The following WARS2 variants were observed in gnomAD, a reference collection of about 807,000 sequenced individuals.
WARS2 encodes tryptophan--tRNA ligase, mitochondrial.
A neutral mutation model predicts 36.5 loss-of-function variants in WARS2; 28 were observed. The ratio of observed to expected loss-of-function variants is 0.77; its 90% CI spans 0.57 to 1.05. The LOEUF (loss-of-function observed/expected upper bound fraction) is 1.05, where lower values mean the gene tolerates loss of function less well. WARS2 is among the 50% of genes least tolerant of loss of function. The pLI, the probability that WARS2 is intolerant of heterozygous loss-of-function variation, is 0.00. For missense variants in WARS2, 435 were observed against 456.8 expected (o/e 0.95, Z 0.44); for synonymous variants, 174 against 178.4 (o/e 0.98, Z 0.20).
chr1:119,096,051 T>C (rs1653417317), intron 1 of WARS2, among the ~76,000 whole-genome samples: 1 of 152,234 alleles, frequency 6.6e-6, no homozygotes, highest in African/African-American at 2.4e-5. Flanking sequence ...TGTGTATGTT[T>C]ATAAAATAAC....
At chr1:119,067,949 T>C (rs901584023) in intron 2 of WARS2, among the ~76,000 whole-genome samples, 3 of 152,124 alleles carry the variant, frequency 2.0e-5, no homozygotes, top group Admixed American at 6.6e-5. Context: ...CACAGGAGCA[T>C]AGATCCAGGC....
At chr1:119,045,744 T>A in intron 2 of WARS2, 82 bp from the exon 3 acceptor site, 1 of 1,134,034 alleles carries the variant, frequency 8.8e-7, no homozygotes, top group Non-Finnish European at 1.3e-6. Context: ...AGTATTACCC[T>A]AAATGTCTGA....
intron 1 of WARS2, among the ~76,000 whole-genome samples, chr1:119,079,886 A>G (rs1652056624): frequency 6.6e-6 from 1 of 152,188 alleles, no homozygotes; most frequent in Non-Finnish European, 1.5e-5. Flanking sequence ...AATCACAAAC[A>G]CACACATAAA....
intron 2 of WARS2, chr1:119,047,274 T>C (rs1310240985): frequency 1.2e-5 from 1 of 81,546 alleles, no homozygotes; most frequent in Non-Finnish European, 2.4e-5. Flanking sequence ...CATGAAGAAG[T>C]AGGAGAGAAT....
intron 1 of WARS2, among the ~76,000 whole-genome samples, chr1:119,130,237 A>G: frequency 6.6e-6 from 1 of 152,234 alleles, no homozygotes; most frequent in East Asian, 1.9e-4. Context: ...AGCAAAAACC[A>G]CATCAGTTGT....
intron 1 of WARS2, chr1:119,082,534 T>A (rs913634393): frequency 9.4e-5 from 76 of 810,982 alleles, no homozygotes; most frequent in Non-Finnish European, 1.1e-4. Context: ...GGCAGGTGAG[T>A]CAGATCTGGA....
intron 1 of WARS2, among the ~76,000 whole-genome samples, chr1:119,105,782 G>A (rs1211778664): frequency 5.9e-5 from 9 of 152,064 alleles, no homozygotes; most frequent in African/African-American, 1.9e-4. Flanking sequence ...GTGGTAATGC[G>A]CGCTTGTAAT....
intron 1 of WARS2, among the ~76,000 whole-genome samples, chr1:119,115,739 C>T (rs1451727397): frequency 1.3e-5 from 2 of 152,166 alleles, no homozygotes; most frequent in East Asian, 1.9e-4. Context: ...TGGTTCAAAT[C>T]GATCTTCTGG....
chr1:119,140,288 G>A (rs1656856537), intron 1 of WARS2: 1 of 351,306 alleles, frequency 2.8e-6, no homozygotes, highest in Non-Finnish European at 5.2e-6. Context: ...GGCAACAGCG[G>A]CGGCGCTCCG....
chr1:119,084,937 G>C (rs1652509717), intron 1 of WARS2: 1 of 382,538 alleles, frequency 2.6e-6, no homozygotes, highest in East Asian at 5.7e-5. Context: ...CAATCCAACT[G>C]AATTTGACTG....
intron 2 of WARS2, among the ~76,000 whole-genome samples, chr1:119,046,481 G>A (rs1275701033): frequency 1.3e-5 from 2 of 150,392 alleles, no homozygotes; most frequent in African/African-American, 4.9e-5. Flanking sequence ...CTGAGTAGCT[G>A]GGATTACAAG....
At chr1:119,126,796 C>T (rs1191373078) in intron 1 of WARS2, 1 of 739,286 alleles carries the variant, frequency 1.4e-6, no homozygotes, top group East Asian at 2.5e-5. Context: ...TCTTTCCAGT[C>T]ATTTGTCTGT....
intron 1 of WARS2, among the ~76,000 whole-genome samples, chr1:119,081,628 A>G (rs1349877032): frequency 2.0e-5 from 3 of 152,312 alleles, no homozygotes; most frequent in Middle Eastern, 3.4e-3. Flanking sequence ...ATCTCTTTCT[A>G]TAAGTCTATT....
At chr1:119,111,427 C>G (rs1654628545) in intron 1 of WARS2, among the ~76,000 whole-genome samples, 1 of 152,098 alleles carries the variant, frequency 6.6e-6, no homozygotes, top group East Asian at 1.9e-4. Flanking sequence ...CTGGAAGAGG[C>G]TGAAGTTGGG....
chr1:119,078,329 T>C (rs1169773922), intron 1 of WARS2, among the ~76,000 whole-genome samples: 2 of 152,232 alleles, frequency 1.3e-5, no homozygotes, highest in Non-Finnish European at 2.9e-5. Flanking sequence ...TAATGTATTA[T>C]GAGCCAAGTT....
chr1:119,135,192 G>C (rs989625862), intron 1 of WARS2, among the ~76,000 whole-genome samples: 37 of 152,074 alleles, frequency 2.4e-4, no homozygotes, highest in African/African-American at 8.7e-4. Flanking sequence ...ATCATATGTG[G>C]TCCTGATCAA....
chr1:119,113,044 CTAAG>C (rs1272912216), intron 1 of WARS2, among the ~76,000 whole-genome samples: 1 of 152,160 alleles, frequency 6.6e-6, no homozygotes, highest in African/African-American at 2.4e-5. Context: ...ACATAGTTGA[CTAAG>C]TGAGTCCATG....
intron 1 of WARS2, among the ~76,000 whole-genome samples, chr1:119,090,553 T>C (rs966233473): frequency 5.3e-5 from 8 of 152,174 alleles, no homozygotes; most frequent in African/African-American, 1.9e-4. Flanking sequence ...AAAAAACGCA[T>C]GTCATTTTTC....
chr1:119,088,157 A>G lies in WARS2; in HGVS notation c.91-11550T>C, dbSNP rs188193373. On this transcript the variant is annotated intron_variant, in intron 1 of 5. Transcript: ENST00000235521. ...TTCAACTGCAGAAAATGAGGTACAG[A>G]TAAAAACATTATGAATGAAAAAGAG... Among the ~76,000 whole-genome samples, 9 of 152,316 alleles carry G rather than the reference A, an allele frequency of 5.9e-5. No homozygotes were observed. The South Asian group carries it at 1.2e-3, about 21-fold the overall frequency.
Sources: gnomAD v4.1 joint callset for allele counts (sites outside exome capture counted in the v4.1 genomes callset) on GRCh38, gnomAD v4.1.1 for gene constraint, MANE v1.5 for transcripts, NCBI Gene and HGNC (gene_info 2026-07-23, HGNC 2026-07-21) for gene names.